ZNF827: variants seen among roughly 807,000 people sequenced by gnomAD.
The protein encoded by ZNF827 is zinc finger protein 827.
In ZNF827, 13 loss-of-function variants were observed where a neutral mutation model predicts 102.4. The ratio of observed to expected loss-of-function variants is 0.13; its 90% CI spans 0.08 to 0.20. ZNF827 has a LOEUF of 0.20. Ranked by LOEUF, ZNF827 falls within the 10% of genes least tolerant of loss-of-function variation. The pLI is 1.00. For missense variants in ZNF827, 1,103 were observed against 1,344.4 expected (o/e 0.82, Z 2.81); for synonymous variants, 523 against 536.2 (o/e 0.98, Z 0.34).
chr4:145,791,297 T>C (rs1452831932), intron 8 of ZNF827, among the ~76,000 whole-genome samples: 1 of 152,160 alleles, frequency 6.6e-6, no homozygotes, highest in African/African-American at 2.4e-5. Context: ...AAGGGCCTCT[T>C]TTATAGGGGC....
chr4:145,926,727 T>C (rs1355183332), intron 1 of ZNF827, among the ~76,000 whole-genome samples: 4 of 152,172 alleles, frequency 2.6e-5, no homozygotes, highest in Non-Finnish European at 5.9e-5. Flanking sequence ...AATATCAATT[T>C]TTAAAAATAA....
chr4:145,892,446 A>G (rs747333590), intron 2 of ZNF827, 31 bp from the exon 3 acceptor site: 3 of 1,586,558 alleles, frequency 1.9e-6, no homozygotes, highest in Non-Finnish European at 2.6e-6. Flanking sequence ...AGGACCATTA[A>G]GGAAAACAAA....
rs113537744 is a variant in ZNF827 at position 145,774,367 on chromosome 4, T to A, written c.2860+139A>T. ...TGACTACAGGGAAATGTGGCTTTCA[T>A]GCCTTGGGAAAGTCCTTCCTTCCAT... is the stretch of plus-strand genomic sequence containing the variant. On this transcript the variant is annotated intron_variant, in intron 11 of 14. Transcript: ENST00000508784. 2.1e-3 allele frequency: 1,932 copies of A among 926,762 alleles called. 27 individuals are homozygous for A. In the African/African-American group the frequency reaches 0.028, roughly 13 times the overall value. The allele number at this position is 926,762 out of a possible 1,614,324, so 57.4% of individuals were successfully genotyped here.
intron 4 of ZNF827, among the ~76,000 whole-genome samples, chr4:145,883,820 T>C (rs571976471): frequency 4.4e-4 from 67 of 152,162 alleles, no homozygotes; most frequent in African/African-American, 1.5e-3. Context: ...TCCCTGGGGA[T>C]TGCACTATAA....
chr4:145,781,013 G>A (rs1737901096), intron 8 of ZNF827, among the ~76,000 whole-genome samples: 11 of 151,874 alleles, frequency 7.2e-5, no homozygotes, highest in Admixed American at 6.6e-4. Flanking sequence ...TGGCTAACAC[G>A]GTGAAACACT....
intron 5 of ZNF827, among the ~76,000 whole-genome samples, chr4:145,864,970 G>A (rs1053281508): frequency 6.6e-6 from 1 of 152,140 alleles, no homozygotes; most frequent in Non-Finnish European, 1.5e-5. Context: ...AATTTTCCAA[G>A]GGAAAATACC....
At chr4:145,911,985 A>C (rs1216039424) in intron 1 of ZNF827, among the ~76,000 whole-genome samples, 2 of 152,236 alleles carry the variant, frequency 1.3e-5, no homozygotes, top group Non-Finnish European at 1.5e-5. Context: ...CAGACCAAAA[A>C]ACCCAAGTTC....
At position 145,925,427 on chromosome 4, in the gene ZNF827, T is replaced by A. The variant is rs542953457; in HGVS notation, c.43+12938A>T. Among the ~76,000 whole-genome samples, 5 of 152,342 alleles carry A rather than the reference T, an allele frequency of 3.3e-5. No homozygotes were observed. The East Asian group carries it at 9.6e-4, about 29-fold the overall frequency. On this transcript the variant is annotated intron_variant, in intron 1 of 14. Transcript: ENST00000508784. Reference sequence around the variant, plus strand: ...CTGTGATTCCTCAAACATTTACCCATCTAACTGATAGTATATGGTCTTGCA... The same window carrying A: ...CTGTGATTCCTCAAACATTTACCCAACTAACTGATAGTATATGGTCTTGCA...
At chr4:145,818,270 T>C (rs546220985) in intron 8 of ZNF827, among the ~76,000 whole-genome samples, 1 of 152,296 alleles carries the variant, frequency 6.6e-6, no homozygotes, top group Non-Finnish European at 1.5e-5. Flanking sequence ...AGAGAGAAAA[T>C]GTGCTGTGCA....
chr4:145,785,242 G>C (rs1738681504), intron 8 of ZNF827, among the ~76,000 whole-genome samples: 1 of 152,124 alleles, frequency 6.6e-6, no homozygotes, highest in Non-Finnish European at 1.5e-5. Flanking sequence ...TAATGATGAG[G>C]ACTAGTTGGC....
intron 7 of ZNF827, among the ~76,000 whole-genome samples, chr4:145,837,125 C>T (rs1204728310): frequency 6.6e-6 from 1 of 152,100 alleles, no homozygotes; most frequent in Admixed American, 6.6e-5. Flanking sequence ...TCAGTTTAGC[C>T]TTCCCACCTC....
At chr4:145,803,359 T>A (rs1450458285) in intron 8 of ZNF827, among the ~76,000 whole-genome samples, 1 of 152,142 alleles carries the variant, frequency 6.6e-6, no homozygotes, top group Non-Finnish European at 1.5e-5. Flanking sequence ...GAGATCTCTT[T>A]AATCCCATTA....
intron 8 of ZNF827, among the ~76,000 whole-genome samples, chr4:145,799,830 G>A (rs139568904): frequency 1.3e-3 from 204 of 152,320 alleles, no homozygotes; most frequent in African/African-American, 4.6e-3. Flanking sequence ...GATGGTGGGA[G>A]TAGGAGCAGC....
intron 8 of ZNF827, among the ~76,000 whole-genome samples, chr4:145,789,180 T>G (rs1348572474): frequency 6.6e-6 from 1 of 152,130 alleles, no homozygotes; most frequent in Non-Finnish European, 1.5e-5. Context: ...AAATGGTGGG[T>G]CCTCGATATT....
chr4:145,876,418 C>T (rs947777317), intron 4 of ZNF827: 10 of 152,174 alleles, frequency 6.6e-5, no homozygotes, highest in African/African-American at 2.4e-4. Flanking sequence ...AAATTAAATG[C>T]AAGGGTAGAT....
At chr4:145,823,281 G>C (rs1411751701) in intron 8 of ZNF827, 141 bp downstream of exon 8, 4 of 647,536 alleles carry the variant, frequency 6.2e-6, no homozygotes, top group Non-Finnish European at 1.0e-5. Context: ...AGCTTAAATT[G>C]AGTTTCTCCT....
chr4:145,855,254 A>G (rs550236379), intron 5 of ZNF827, among the ~76,000 whole-genome samples: 1 of 152,336 alleles, frequency 6.6e-6, no homozygotes, highest in African/African-American at 2.4e-5. Context: ...GAGCCTCTAA[A>G]AGCACTGCCA....
rs2126853705 is a variant in ZNF827, at chr4:145,763,081, G to A, written c.*17+9C>T. The A allele has an allele frequency of 6.5e-7, 1 of 1,535,774 alleles. No homozygotes were observed. The highest frequency in any genetic ancestry group is 1.4e-5 in the African/African-American group (1 of 73,132). On this transcript the variant is annotated intron_variant, in intron 14 of 14. Transcript: ENST00000508784. The surrounding 1 kb of genome is among the most constrained non-coding windows in gnomAD (Gnocchi z 4.6). Reference sequence around the variant, plus strand: ...GCACACACAACCCCTACGCCAAGCTGGGCCTTACCTAGAGGAGTCTGAAAC... The same window carrying A: ...GCACACACAACCCCTACGCCAAGCTAGGCCTTACCTAGAGGAGTCTGAAAC...
intron 5 of ZNF827, among the ~76,000 whole-genome samples, chr4:145,860,801 A>G (rs1445818703): frequency 1.3e-5 from 2 of 152,238 alleles, no homozygotes; most frequent in Admixed American, 6.5e-5. Flanking sequence ...ACAGGCCCTT[A>G]CAGCTTGATA....
Sources: allele counts gnomAD v4.1 joint callset (sites outside exome capture counted in the v4.1 genomes callset), GRCh38; gene constraint gnomAD v4.1.1; non-coding constraint Gnocchi (gnomAD v3.1); transcripts MANE v1.5; gene names NCBI Gene and HGNC (gene_info 2026-07-23, HGNC 2026-07-21).